The following ABLIM2 variants were observed in gnomAD, a reference collection of about 807,000 sequenced individuals.
ABLIM2 encodes actin binding LIM protein family member 2.
In ABLIM2, 53 loss-of-function variants were observed where a neutral mutation model predicts 97.7. That is an observed-to-expected ratio of 0.54 (90% CI 0.44 to 0.68). The LOEUF (loss-of-function observed/expected upper bound fraction) is 0.68. Among genes scored for constraint, ABLIM2 ranks in the 30% least tolerant of loss-of-function variants. ABLIM2 has a pLI of 0.00. For missense variants in ABLIM2, 835 were observed against 867.2 expected (o/e 0.96, Z 0.47); for synonymous variants, 361 against 345.8 (o/e 1.04, Z -0.49).
chr4:8,037,280 A>G (rs115646490), intron 9 of ABLIM2, among the ~76,000 whole-genome samples: 3 of 152,134 alleles, frequency 2.0e-5, no homozygotes, highest in African/African-American at 7.2e-5. Flanking sequence ...ATGTGCACAC[A>G]CATACGCACA....
chr4:8,131,465 G>A (rs1013485892), intron 1 of ABLIM2, among the ~76,000 whole-genome samples: 5 of 152,178 alleles, frequency 3.3e-5, no homozygotes, highest in East Asian at 1.9e-4. Flanking sequence ...GGTGGGGACC[G>A]GGACGAGAAC....
intron 4 of ABLIM2, among the ~76,000 whole-genome samples, chr4:8,081,852 C>T (rs1341429300): frequency 6.6e-6 from 1 of 152,162 alleles, no homozygotes; most frequent in East Asian, 1.9e-4. Flanking sequence ...GAGTCAACCA[C>T]CCAGGTGTGC....
chr4:8,015,260 G>A lies in ABLIM2; in HGVS notation c.1423+4358C>T, dbSNP rs1304047284. On this transcript the variant is annotated intron_variant, in intron 14 of 20. Transcript: ENST00000447017. The surrounding 1 kb of genome is among the most constrained non-coding windows in gnomAD (Gnocchi z 4.6). Reference sequence around the variant, plus strand: ...CTAGGACAGCCTCTCTGCATTCACTGCACTGCAGAAGGAGAGGTTAGCGTG... The same window carrying A: ...CTAGGACAGCCTCTCTGCATTCACTACACTGCAGAAGGAGAGGTTAGCGTG... Among the ~76,000 whole-genome samples the A allele has an allele frequency of 2.6e-5, 4 of 152,220 alleles. No homozygotes were observed. The highest frequency in any genetic ancestry group is 4.4e-5 in the Non-Finnish European group (3 of 68,024).
At chr4:8,104,927 G>A (rs938339619) in intron 2 of ABLIM2, among the ~76,000 whole-genome samples, 1 of 152,186 alleles carries the variant, frequency 6.6e-6, no homozygotes, top group Non-Finnish European at 1.5e-5. Flanking sequence ...ACTCCGATGG[G>A]CAGCACTGGA....
chr4:7,975,950 A>G (rs1266397415), intron 20 of ABLIM2, among the ~76,000 whole-genome samples: 1 of 152,148 alleles, frequency 6.6e-6, no homozygotes, highest in Non-Finnish European at 1.5e-5. Context: ...ATGTCCCACG[A>G]AGAACCATGT....
intron 9 of ABLIM2, among the ~76,000 whole-genome samples, chr4:8,038,668 G>A (rs999607935): frequency 1.3e-5 from 2 of 152,156 alleles, no homozygotes; most frequent in Non-Finnish European, 2.9e-5. Context: ...TGACATTTGT[G>A]ATATGCATGA....
intron 9 of ABLIM2, among the ~76,000 whole-genome samples, chr4:8,039,064 C>T (rs1251725797): frequency 2.0e-5 from 3 of 152,124 alleles, no homozygotes; most frequent in Non-Finnish European, 2.9e-5. Flanking sequence ...TGTTGATCTT[C>T]ATCTGTTGAG....
At position 8,045,254 on chromosome 4, in the gene ABLIM2, A is replaced by G. The variant is rs1441564537; in HGVS notation, c.823-13T>C. The G allele has an allele frequency of 5.6e-6, 9 of 1,611,200 alleles. No individual in the cohort carries two copies. The highest frequency in any genetic ancestry group is 7.6e-6 in the Non-Finnish European group (9 of 1,177,390). On this transcript the variant is annotated splice_polypyrimidine_tract_variant and intron_variant, in intron 8 of 20. Transcript: ENST00000447017. ...AAGTTCTGGTTTCCTGAGAAAGGAG[A>G]GAGGAAGAGATTGAAGGCAGGTACC...
At chr4:8,031,031 G>C (rs944488416) in intron 10 of ABLIM2, among the ~76,000 whole-genome samples, 1 of 152,258 alleles carries the variant, frequency 6.6e-6, no homozygotes, top group African/African-American at 2.4e-5. Context: ...AAGGGGCTCT[G>C]CAGAAGATTC....
At chr4:8,017,748 C>G (rs1160650217) in intron 14 of ABLIM2, among the ~76,000 whole-genome samples, 2 of 152,148 alleles carry the variant, frequency 1.3e-5, no homozygotes, top group Admixed American at 6.5e-5. Flanking sequence ...AATCCTAGCA[C>G]TTTGGGAGGC....
chr4:8,147,648 C>T lies in ABLIM2; in HGVS notation c.10+11032G>A, dbSNP rs1319532975. On this transcript the variant is annotated intron_variant, in intron 1 of 20. Transcript: ENST00000447017. This position sits in a 1 kb window ranked among gnomAD's most constrained non-coding sequence, Gnocchi z 5.3. ...GCCTTGAAGATTGGAGCAACGTGGC[C>T]ACAAACCTCAGAATCTGGCAGCCAC... Among the ~76,000 whole-genome samples the T allele has an allele frequency of 6.6e-6, 1 of 152,158 alleles. No individual in the cohort carries two copies. The highest frequency in any genetic ancestry group is 1.5e-5 in the Non-Finnish European group (1 of 68,028).
At chr4:8,074,345 C>T (rs1240749983) in intron 6 of ABLIM2, among the ~76,000 whole-genome samples, 3 of 152,028 alleles carry the variant, frequency 2.0e-5, no homozygotes, top group African/African-American at 7.3e-5. Context: ...GTCCCGGCTA[C>T]GTGGGAGCCT....
chr4:8,043,906 C>T lies in ABLIM2; in HGVS notation c.900+1258G>A, dbSNP rs902412027. Reference sequence around the variant, plus strand: ...GGGGCTCCCAGAGGCTCCAGGCGGGCGGCACCTCGCCCAGGGCATGCAGCC... The same window carrying T: ...GGGGCTCCCAGAGGCTCCAGGCGGGTGGCACCTCGCCCAGGGCATGCAGCC... On this transcript the variant is annotated intron_variant, in intron 9 of 20. Coordinates refer to ENST00000447017, the MANE Select transcript of ABLIM2 (RefSeq NM_001130083.2). The surrounding 1 kb of genome is among the most constrained non-coding windows in gnomAD (Gnocchi z 4.8). Among the ~76,000 whole-genome samples the T allele has an allele frequency of 2.0e-5, 3 of 151,732 alleles. No individual in the cohort carries two copies. The highest frequency in any genetic ancestry group is 7.3e-5 in the African/African-American group (3 of 41,302).
chr4:7,987,441 C>T (rs992794150), intron 17 of ABLIM2, among the ~76,000 whole-genome samples: 6 of 152,284 alleles, frequency 3.9e-5, no homozygotes, highest in African/African-American at 1.4e-4. Context: ...TGTTTTGATA[C>T]ATTTTCTTAG....
intron 9 of ABLIM2, among the ~76,000 whole-genome samples, chr4:8,039,213 C>A (rs574717265): frequency 4.6e-5 from 7 of 152,314 alleles, no homozygotes; most frequent in Admixed American, 3.3e-4. Context: ...CAGGTGAACT[C>A]TCAGCCAGAT....
chr4:7,981,145 A>G (rs1362316758), intron 20 of ABLIM2, among the ~76,000 whole-genome samples: 1 of 151,646 alleles, frequency 6.6e-6, no homozygotes, highest in Non-Finnish European at 1.5e-5. Flanking sequence ...GGGTTTCACC[A>G]TGTTAGCCAG....
chr4:8,156,419 C>T (rs1177237855), intron 1 of ABLIM2, among the ~76,000 whole-genome samples: 1 of 152,224 alleles, frequency 6.6e-6, no homozygotes, highest in East Asian at 1.9e-4. Context: ...GGGATGCCAT[C>T]TCCTTCCACC....
At chr4:8,156,283 C>T (rs1372883251) in intron 1 of ABLIM2, among the ~76,000 whole-genome samples, 1 of 150,974 alleles carries the variant, frequency 6.6e-6, no homozygotes, top group Admixed American at 6.6e-5. Context: ...GATGAAGCTA[C>T]ACCACACTGA....
At chr4:8,064,920 G>A (rs1806038125) in intron 6 of ABLIM2, among the ~76,000 whole-genome samples, 2 of 152,112 alleles carry the variant, frequency 1.3e-5, no homozygotes, top group Non-Finnish European at 2.9e-5. Context: ...AGACCTAAAC[G>A]CAAGAGCTAA....
Sources: allele counts gnomAD v4.1 joint callset (sites outside exome capture counted in the v4.1 genomes callset), GRCh38; gene constraint gnomAD v4.1.1; non-coding constraint Gnocchi (gnomAD v3.1); transcripts MANE v1.5; gene names NCBI Gene and HGNC (gene_info 2026-07-23, HGNC 2026-07-21).